KIAA0513: variants seen among roughly 807,000 people sequenced by gnomAD.
KIAA0513 encodes the protein uncharacterized protein KIAA0513.
Under a neutral mutation model 56.5 loss-of-function variants are expected in KIAA0513, and 39 were observed. The ratio of observed to expected loss-of-function variants is 0.69; its 90% CI spans 0.53 to 0.90. The LOEUF is 0.90. Among genes scored for constraint, KIAA0513 ranks in the 40% least tolerant of loss-of-function variants. KIAA0513 has a pLI of 0.00. For synonymous variants in KIAA0513, 268 were observed against 215.6 expected (o/e 1.24, Z -2.13); for missense variants, 591 against 535.2 (o/e 1.10, Z -1.03).
chr16:85,036,534 C>G (rs1248109688), intron 1 of KIAA0513, among the ~76,000 whole-genome samples: 1 of 152,156 alleles, frequency 6.6e-6, no homozygotes, highest in Non-Finnish European at 1.5e-5. Context: ...TTGTCTAGTA[C>G]TGGGAAAGAG....
rs969149379 is a variant in KIAA0513, at chr16:85,076,837, C to T, written c.575-588C>T. Among the ~76,000 whole-genome samples the T allele has an allele frequency of 6.6e-6, 1 of 152,220 alleles. No individual in the cohort carries two copies. The highest frequency in any genetic ancestry group is 2.4e-5 in the African/African-American group (1 of 41,452). On this transcript the variant is annotated intron_variant, in intron 5 of 12. Transcript: ENST00000683363. The surrounding 1 kb of genome is among the most constrained non-coding windows in gnomAD (Gnocchi z 4.7). ...ATAGACACATAATGAATAGACACTG[C>T]TTCCTGAGACAGGGCCACCCACAGC... is the stretch of plus-strand genomic sequence containing the variant.
At chr16:85,060,758 C>A (rs1258494671) in intron 1 of KIAA0513, among the ~76,000 whole-genome samples, 1 of 151,442 alleles carries the variant, frequency 6.6e-6, no homozygotes, top group African/African-American at 2.4e-5. Flanking sequence ...ACAGGAGGAT[C>A]ACTTGAGCAC....
chr16:85,053,395 G>C (rs1201734894), intron 1 of KIAA0513, among the ~76,000 whole-genome samples: 1 of 152,180 alleles, frequency 6.6e-6, no homozygotes, highest in African/African-American at 2.4e-5. Flanking sequence ...GTGTCATTCT[G>C]TAAGTTAACT....
chr16:85,055,559 C>G (rs2073316724), intron 1 of KIAA0513, among the ~76,000 whole-genome samples: 1 of 152,180 alleles, frequency 6.6e-6, no homozygotes, highest in Admixed American at 6.5e-5. Flanking sequence ...CACACACAAA[C>G]AACTGCAGGG....
At chr16:85,035,994 A>AG (rs2073031464) in intron 1 of KIAA0513, among the ~76,000 whole-genome samples, 1 of 151,864 alleles carries the variant, frequency 6.6e-6, no homozygotes, top group East Asian at 1.9e-4. Flanking sequence ...AAAAAAAAAA[A>AG]AAAAGGAATG....
chr16:85,072,710 G>A (rs1331866776), intron 3 of KIAA0513, among the ~76,000 whole-genome samples: 2 of 152,216 alleles, frequency 1.3e-5, no homozygotes, highest in African/African-American at 2.4e-5. Flanking sequence ...GGGAACCCCT[G>A]CATGTGCCCT....
chr16:85,071,785 A>C lies in KIAA0513; in HGVS notation c.332A>C (p.Glu111Ala). 4.6e-6 allele frequency: 4 copies of C among 877,674 alleles called. No homozygotes were observed. Among genetic ancestry groups the C allele is most frequent in the African/African-American group, 3.4e-5 (1 of 29,620 alleles). 54.4% of individuals were successfully genotyped at this position (877,674 alleles called of 1,614,324 possible). A position where few individuals can be genotyped will look rare whatever the true frequency, so the allele number is the denominator to read the frequency against. Residue 111 changes from glutamate to alanine, a missense_variant and splice_region_variant, in exon 3 of 13, where the codon GAG becomes GCG. Coordinates refer to ENST00000683363, the MANE Select transcript of KIAA0513 (RefSeq NM_001388359.1). The stretch of plus-strand genomic sequence containing the variant: ...CTGCTCTTTTTTTTTTTTTTTAGGG[A>C]GGACTTGGATCAGGAGGAGAAAGCC... ...GYVEKIFSGG[E>A]DLDQEEKAKF...
chr16:85,049,018 G>T (rs1163581056), intron 1 of KIAA0513, among the ~76,000 whole-genome samples: 1 of 152,246 alleles, frequency 6.6e-6, no homozygotes, highest in African/African-American at 2.4e-5. Flanking sequence ...TAGGGCAGAA[G>T]TTCTTTCTTG....
Position 85,081,555 on chromosome 16 carries a change from C to G in KIAA0513, c.980+163C>G, listed in dbSNP as rs574227490. 6.6e-6 allele frequency among the ~76,000 whole-genome samples: 1 copy of G among 152,242 alleles called. No individual in the cohort carries two copies. The highest frequency in any genetic ancestry group is 1.9e-4 in the East Asian group (1 of 5,174). On this transcript the variant is annotated intron_variant, in intron 9 of 12. Coordinates refer to ENST00000683363, the MANE Select transcript of KIAA0513 (RefSeq NM_001388359.1). The surrounding 1 kb of genome is among the most constrained non-coding windows in gnomAD (Gnocchi z 4.4). ...GTGCCTCGCAAGCTGCCTGAGGGGT[C>G]ACAGCTTCATGGGTGGGGGTGCTCA...
chr16:85,044,790 G>T (rs2073149577), intron 1 of KIAA0513, among the ~76,000 whole-genome samples: 1 of 151,962 alleles, frequency 6.6e-6, no homozygotes, highest in Non-Finnish European at 1.5e-5. Context: ...ACAGGCATGA[G>T]CCACTGTGCC....
intron 4 of KIAA0513, among the ~76,000 whole-genome samples, chr16:85,073,815 C>T (rs1047822083): frequency 3.3e-5 from 5 of 152,220 alleles, no homozygotes; most frequent in African/African-American, 1.2e-4. Flanking sequence ...GGCCCCACGT[C>T]CCCTCCTGGT....
chr16:85,028,004 GT>G (rs1255959516), intron 1 of KIAA0513, 146 bp downstream of exon 1: 1 of 151,976 alleles, frequency 6.6e-6, no homozygotes, highest in African/African-American at 2.4e-5. Flanking sequence ...GGGAGGAGGG[GT>G]CCGCGGGGCG....
At chr16:85,057,207 A>G (rs2073342202) in intron 1 of KIAA0513, among the ~76,000 whole-genome samples, 1 of 152,208 alleles carries the variant, frequency 6.6e-6, no homozygotes, top group Non-Finnish European at 1.5e-5. Context: ...TGTGGCGTGT[A>G]CACTTTCATG....
chr16:85,088,435 G>C lies in KIAA0513; in HGVS notation c.*110G>C. On this transcript the variant is annotated 3_prime_UTR_variant, in exon 13 of 13. Coordinates refer to ENST00000683363, the MANE Select transcript of KIAA0513 (RefSeq NM_001388359.1). ...ACCTGCATGAAGCCAGCAGCACCCA[G>C]AGCCACTCCTGCTGCCCTAGAACTA... 1 of 858,776 alleles carries C rather than the reference G, an allele frequency of 1.2e-6. No individual in the cohort carries two copies. The allele number at this position is 858,776 out of a possible 1,614,324, so 53.2% of individuals were successfully genotyped here.
intron 7 of KIAA0513, 112 bp from the exon 8 acceptor site, chr16:85,078,813 T>C (rs1188241130): frequency 2.6e-6 from 3 of 1,151,160 alleles, no homozygotes; most frequent in Admixed American, 1.7e-5. Context: ...TTGCATCACG[T>C]GTTTCAGTGA....
chr16:85,034,828 G>T (rs774830155), intron 1 of KIAA0513, among the ~76,000 whole-genome samples: 3 of 152,166 alleles, frequency 2.0e-5, no homozygotes, highest in Non-Finnish European at 4.4e-5. Context: ...AGAGTAACAT[G>T]GCTCCATCAC....
In KIAA0513 at chr16:85,075,824, A is replaced by G; in HGVS notation, c.504-20A>G. 3 of 1,613,574 alleles carry G rather than the reference A, an allele frequency of 1.9e-6. No individual in the cohort carries two copies. The highest frequency in any genetic ancestry group is 2.5e-6 in the Non-Finnish European group (3 of 1,179,514). On this transcript the variant is annotated intron_variant, in intron 4 of 12. Coordinates refer to ENST00000683363, the MANE Select transcript of KIAA0513 (RefSeq NM_001388359.1). ...GCAGGTGGAGCGATCTTTAGCCATG[A>G]GCCTTGCCTCTTGTTTCAGGTGTCA...
intron 1 of KIAA0513, among the ~76,000 whole-genome samples, chr16:85,034,515 T>C (rs1597586574): frequency 6.6e-6 from 1 of 151,882 alleles, no homozygotes; most frequent in African/African-American, 2.4e-5. Context: ...AGGGCTTTTA[T>C]TTATGGGGTG....
At chr16:85,047,456 C>T (rs372758994) in intron 1 of KIAA0513, among the ~76,000 whole-genome samples, 1 of 152,200 alleles carries the variant, frequency 6.6e-6, no homozygotes, top group Non-Finnish European at 1.5e-5. Context: ...ACGCTTCTCC[C>T]GTGACTGAGC....
Sources: allele counts gnomAD v4.1 joint callset (sites outside exome capture counted in the v4.1 genomes callset), GRCh38; gene constraint gnomAD v4.1.1; non-coding constraint Gnocchi (gnomAD v3.1); transcripts MANE v1.5; gene names NCBI Gene and HGNC (gene_info 2026-07-23, HGNC 2026-07-21).